SIPA1L3: variants seen among roughly 807,000 people sequenced by gnomAD.
SIPA1L3 encodes signal induced proliferation associated 1 like 3.
SIPA1L3 carries 59 observed loss-of-function variants against 150.1 expected under a neutral mutation model. The observed-to-expected ratio is 0.39, with a 90% confidence interval of 0.32 to 0.49. The LOEUF (loss-of-function observed/expected upper bound fraction) is 0.49. Among genes scored for constraint, SIPA1L3 ranks in the 20% least tolerant of loss-of-function variants. SIPA1L3 has a pLI of 0.86. For missense variants in SIPA1L3, 2,211 were observed against 2,489.5 expected (o/e 0.89, Z 2.38); for synonymous variants, 1,070 against 1,077.6 (o/e 0.99, Z 0.14).
In SIPA1L3 at chr19:38,141,395, A is replaced by G; in HGVS notation, c.3355A>G (p.Ile1119Val). 1 of 1,612,920 alleles carries G rather than the reference A, an allele frequency of 6.2e-7. No individual in the cohort carries two copies. The highest frequency in any genetic ancestry group is 8.5e-7 in the Non-Finnish European group (1 of 1,179,922). The change falls in exon 11 of 22, where the codon ATA becomes GTA. Residue 1119 changes from isoleucine (I) to valine (V), a missense_variant. Ile to Val is a conservative substitution (Grantham distance 29). Coordinates refer to ENST00000222345, the MANE Select transcript of SIPA1L3 (RefSeq NM_015073.3). ...GAGCCGGCCCCTGAAGCAGACCCCCATAGTCCCCTTCCGGGAGTCCCAGCC... is the reference window on the plus strand; with the variant it reads ...GAGCCGGCCCCTGAAGCAGACCCCCGTAGTCCCCTTCCGGGAGTCCCAGCC... ...SLSRPLKQTPIVPFRESQPLH... is the reference protein window; with the variant it reads ...SLSRPLKQTPVVPFRESQPLH...
At chr19:37,976,569 C>T (rs1391249680) in intron 1 of SIPA1L3, among the ~76,000 whole-genome samples, 1 of 152,090 alleles carries the variant, frequency 6.6e-6, no homozygotes, top group Non-Finnish European at 1.5e-5. Context: ...TATTCTTGGG[C>T]ACTTTTTTAG....
At chr19:38,099,842 T>G in intron 4 of SIPA1L3, 120 bp from the exon 5 acceptor site, 1 of 873,848 alleles carries the variant, frequency 1.1e-6, no homozygotes, top group Non-Finnish European at 1.7e-6. Context: ...CTTTCTGACC[T>G]TAGAGCACAA....
intron 1 of SIPA1L3, among the ~76,000 whole-genome samples, chr19:37,993,709 A>G (rs1460289896): frequency 2.0e-5 from 3 of 152,080 alleles, no homozygotes; most frequent in African/African-American, 7.2e-5. Context: ...AACGTACCTG[A>G]AAAAGTGTGT....
At position 37,962,282 on chromosome 19, in the gene SIPA1L3, T is replaced by C. The variant is rs1173908177; in HGVS notation, c.-379+54924T>C. 2.6e-5 allele frequency among the ~76,000 whole-genome samples: 4 copies of C among 151,910 alleles called. No homozygotes were observed. The South Asian group carries it at 6.2e-4, about 24-fold the overall frequency. ...CCTCAGCCTCCCGAGTAGCTGGGAT[T>C]GCAGGCCTGCGCCACCACGCCTGGC... is the stretch of plus-strand genomic sequence containing the variant. On this transcript the variant is annotated intron_variant, in intron 1 of 21. Coordinates refer to ENST00000222345, the MANE Select transcript of SIPA1L3 (RefSeq NM_015073.3).
intron 2 of SIPA1L3, among the ~76,000 whole-genome samples, chr19:38,063,849 A>C (rs756750012): frequency 3.0e-4 from 46 of 152,166 alleles, no homozygotes; most frequent in Non-Finnish European, 5.6e-4. Context: ...ACACTAAAAG[A>C]AGCAGCACAG....
intron 15 of SIPA1L3, among the ~76,000 whole-genome samples, chr19:38,170,556 C>G (rs2145997288): frequency 6.6e-6 from 1 of 152,300 alleles, no homozygotes; most frequent in Middle Eastern, 3.4e-3. Flanking sequence ...TGGCATAGAA[C>G]TTGGTATTTA....
At chr19:37,990,611 G>A (rs182311208) in intron 1 of SIPA1L3, among the ~76,000 whole-genome samples, 275 of 152,316 alleles carry the variant, frequency 1.8e-3, no homozygotes, top group African/African-American at 6.0e-3. Context: ...CGAGAACCCC[G>A]CCCCAGTCTG....
At chr19:38,023,979 G>A (rs536377150) in intron 1 of SIPA1L3, among the ~76,000 whole-genome samples, 1 of 152,270 alleles carries the variant, frequency 6.6e-6, no homozygotes, top group Admixed American at 6.5e-5. Context: ...TGCAATCTCT[G>A]GCCGGTTAGA....
chr19:38,154,312 T>G (rs1971893869), intron 13 of SIPA1L3, among the ~76,000 whole-genome samples: 1 of 152,240 alleles, frequency 6.6e-6, no homozygotes, highest in African/African-American at 2.4e-5. Context: ...TGTTTGCAGT[T>G]GGGCTGCCTA....
intron 1 of SIPA1L3, among the ~76,000 whole-genome samples, chr19:37,959,398 T>A (rs1318303611): frequency 5.3e-5 from 8 of 152,100 alleles, no homozygotes; most frequent in Admixed American, 2.6e-4. Flanking sequence ...GAAACACACA[T>A]GAATGAAAGA....
intron 9 of SIPA1L3, among the ~76,000 whole-genome samples, chr19:38,128,829 G>A (rs1406131875): frequency 2.6e-5 from 4 of 152,040 alleles, no homozygotes; most frequent in Admixed American, 2.0e-4. Flanking sequence ...CCAGGGAGGC[G>A]GAGGTGGCAG....
chr19:38,124,929 T>C (rs902010456), intron 9 of SIPA1L3, among the ~76,000 whole-genome samples: 6 of 151,768 alleles, frequency 4.0e-5, no homozygotes, highest in African/African-American at 1.5e-4. Context: ...GCAGGGAGGT[T>C]GCAGTGAGCC....
intron 1 of SIPA1L3, among the ~76,000 whole-genome samples, chr19:37,936,599 A>C (rs2046602810): frequency 6.6e-6 from 1 of 152,216 alleles, no homozygotes; most frequent in African/African-American, 2.4e-5. Flanking sequence ...CAACTCAGTG[A>C]ATCTTCACAG....
intron 16 of SIPA1L3, among the ~76,000 whole-genome samples, chr19:38,190,756 T>A (rs1199908832): frequency 2.0e-5 from 3 of 152,216 alleles, no homozygotes; most frequent in African/African-American, 7.2e-5. Flanking sequence ...AGAATATCAG[T>A]TGAAAAGTAA....
At chr19:38,119,234 G>T (rs879899190) in intron 8 of SIPA1L3, 72 bp from the exon 9 acceptor site, 16 of 1,389,510 alleles carry the variant, frequency 1.2e-5, no homozygotes, top group Non-Finnish European at 1.6e-5. Context: ...CCTATTTTTT[G>T]ATCGAATATT....
At chr19:37,994,211 A>G (rs1023716637) in intron 1 of SIPA1L3, among the ~76,000 whole-genome samples, 3 of 152,196 alleles carry the variant, frequency 2.0e-5, no homozygotes, top group South Asian at 2.1e-4. Context: ...CGGGAAAAGA[A>G]TTTAAACAGC....
rs1972594774 is a variant in SIPA1L3 at position 38,183,049 on chromosome 19, G to A, written c.4430+309G>A. On this transcript the variant is annotated intron_variant, in intron 16 of 21. Transcript: ENST00000222345. ...AAGGCATAGCAGCTGCAGAGGTCCT[G>A]AGGCAGTGAGTGACACGGTTGCCTG... The A allele has an allele frequency of 9.6e-6, 3 of 313,862 alleles. No individual in the cohort carries two copies. In the South Asian group the frequency reaches 1.7e-4, roughly 17 times the overall value. The allele number at this position is 313,862 out of a possible 1,614,324, so 19.4% of individuals were successfully genotyped here.
chr19:38,164,680 G>A lies in SIPA1L3; in HGVS notation c.3982G>A (p.Ala1328Thr), dbSNP rs1448378409. The A allele has an allele frequency of 6.2e-7, 1 of 1,614,024 alleles. No individual in the cohort carries two copies. The highest frequency in any genetic ancestry group is 2.2e-5 in the East Asian group (1 of 44,880). The change falls in exon 15 of 22, where the codon GCT becomes ACT. Residue 1328 changes from alanine (A) to threonine (T), a missense_variant. Around this residue, in one of 5 missense-constraint regions of SIPA1L3, gnomAD observed 806 missense variants for 870.1 expected, o/e 0.93. Transcript: ENST00000222345. The surrounding 1 kb of genome is among the most constrained non-coding windows in gnomAD (Gnocchi z 4.1). The stretch of plus-strand genomic sequence containing the variant: ...CCCTAGCTGCATGTCCCTGGCCAAG[G>A]CTCCACGGCCCGCCAAGCCACACAA... ...SSPSCMSLAK[A>T]PRPAKPHKPP... is the part of the protein sequence containing the mutation.
chr19:37,999,008 CACA>C lies in SIPA1L3; in HGVS notation c.-378-30080_-378-30078del, dbSNP rs1568494929. On this transcript the variant is annotated intron_variant, in intron 1 of 21. Transcript: ENST00000222345. ...ACACACACACACACACACACACACA[CACA>C]CCCACACACACACAAAGACTAAAAA... 2.6e-3 allele frequency among the ~76,000 whole-genome samples: 394 copies of C among 151,598 alleles called. 2 individuals carry two copies. Among genetic ancestry groups the C allele is most frequent in the African/African-American group, 9.0e-3 (371 of 41,274 alleles).
Sources: allele counts gnomAD v4.1 joint callset (sites outside exome capture counted in the v4.1 genomes callset), GRCh38; gene constraint gnomAD v4.1.1; regional missense constraint gnomAD v4.1.1; non-coding constraint Gnocchi (gnomAD v3.1); transcripts MANE v1.5; gene names NCBI Gene and HGNC (gene_info 2026-07-23, HGNC 2026-07-21).